Variants in CNTNAP2 observed in about 807,000 individuals in gnomAD.
CNTNAP2 encodes contactin associated protein 2.
In CNTNAP2, 98 loss-of-function variants were observed where a neutral mutation model predicts 155.2. That is an observed-to-expected ratio of 0.63 (90% CI 0.54 to 0.75). The LOEUF (loss-of-function observed/expected upper bound fraction) is 0.75, where lower values mean the gene tolerates loss of function less well. CNTNAP2 is among the 30% of genes least tolerant of loss of function. The pLI is 0.00. For synonymous variants in CNTNAP2, 651 were observed against 631.2 expected (o/e 1.03, Z -0.47); for missense variants, 1,727 against 1,688.1 (o/e 1.02, Z -0.40).
At chr7:146,827,589 A>G (rs564611839) in intron 2 of CNTNAP2, among the ~76,000 whole-genome samples, 1 of 151,990 alleles carries the variant, frequency 6.6e-6, no homozygotes, top group South Asian at 2.1e-4. Flanking sequence ...TTAGCTAGGG[A>G]AGCCAAGAAA....
intron 1 of CNTNAP2, among the ~76,000 whole-genome samples, chr7:146,476,845 A>C (rs370753115): frequency 1.6e-4 from 24 of 152,360 alleles, no homozygotes; most frequent in East Asian, 9.6e-4. Flanking sequence ...GCTACAAAAA[A>C]TAGGGAAATC....
chr7:148,034,616 A>G (rs531632343), intron 15 of CNTNAP2, among the ~76,000 whole-genome samples: 1 of 152,312 alleles, frequency 6.6e-6, no homozygotes, highest in East Asian at 1.9e-4. Context: ...AGCACAAAAC[A>G]GACGAAGACA....
chr7:146,157,247 A>G (rs1455460104), intron 1 of CNTNAP2, among the ~76,000 whole-genome samples: 2 of 152,114 alleles, frequency 1.3e-5, no homozygotes, highest in Non-Finnish European at 1.5e-5. Context: ...TTATTTCTGT[A>G]CTCTTCTTCA....
intron 10 of CNTNAP2, among the ~76,000 whole-genome samples, chr7:147,404,637 A>C (rs1796973728): frequency 6.6e-6 from 1 of 152,178 alleles, no homozygotes; most frequent in African/African-American, 2.4e-5. Context: ...GTGACTCTTT[A>C]TTTAAACTTT....
chr7:146,204,260 T>A (rs947552371), intron 1 of CNTNAP2, among the ~76,000 whole-genome samples: 1 of 152,268 alleles, frequency 6.6e-6, no homozygotes, highest in South Asian at 2.1e-4. Flanking sequence ...CACTAATTAG[T>A]TAATAGATCT....
chr7:147,204,761 GTAAATC>G (rs1446471733), intron 8 of CNTNAP2, among the ~76,000 whole-genome samples: 1 of 152,082 alleles, frequency 6.6e-6, no homozygotes, highest in Non-Finnish European at 1.5e-5. Flanking sequence ...CAGAGTATAT[GTAAATC>G]TAAAACTCTC....
At chr7:146,472,077 T>G (rs1367083534) in intron 1 of CNTNAP2, among the ~76,000 whole-genome samples, 1 of 152,222 alleles carries the variant, frequency 6.6e-6, no homozygotes, top group African/African-American at 2.4e-5. Flanking sequence ...TAGCTCAATT[T>G]AACTTTCCTA....
rs183637146 is a variant in CNTNAP2 at position 146,989,538 on chromosome 7, A to C, written c.403-54369A>C. 1.4e-4 allele frequency among the ~76,000 whole-genome samples: 19 copies of C among 134,654 alleles called. No individual in the cohort carries two copies. In the East Asian group the frequency reaches 3.7e-3, roughly 26 times the overall value. The allele number at this position is 134,654 out of a possible 152,430, so 88.3% of individuals were successfully genotyped here. On this transcript the variant is annotated intron_variant, in intron 3 of 23. Transcript: ENST00000361727. ...GGAGACTCCTTTAACACAAACAAAC[A>C]AACAAACCCACAAAAAGCTATTATA...
chr7:146,651,133 C>T (rs1254006960), intron 1 of CNTNAP2, among the ~76,000 whole-genome samples: 1 of 152,074 alleles, frequency 6.6e-6, no homozygotes, highest in African/African-American at 2.4e-5. Context: ...TTAACTCATT[C>T]TCTGAGCTCA....
intron 11 of CNTNAP2, among the ~76,000 whole-genome samples, chr7:147,486,545 C>G (rs1798514541): frequency 6.6e-6 from 1 of 151,474 alleles, no homozygotes; most frequent in Non-Finnish European, 1.5e-5. Context: ...ATCTAAAAGC[C>G]AATAGATAAA....
intron 13 of CNTNAP2, among the ~76,000 whole-genome samples, chr7:147,741,060 C>G (rs1252219360): frequency 2.0e-5 from 3 of 152,192 alleles, no homozygotes; most frequent in Non-Finnish European, 4.4e-5. Context: ...CCTGGAGGCT[C>G]TGGAAGGCAA....
intron 13 of CNTNAP2, among the ~76,000 whole-genome samples, chr7:147,868,745 A>G (rs1799274817): frequency 6.6e-6 from 1 of 152,222 alleles, no homozygotes; most frequent in African/African-American, 2.4e-5. Context: ...GCTAGCAGTG[A>G]GCAAGGCTCC....
intron 13 of CNTNAP2, among the ~76,000 whole-genome samples, chr7:147,848,372 G>A (rs35799380): frequency 2.0e-4 from 30 of 149,386 alleles, no homozygotes; most frequent in East Asian, 4.0e-4. Flanking sequence ...AGGTGCGTCC[G>A]TCACCCCTTT....
chr7:147,264,506 A>G (rs1804563322), intron 8 of CNTNAP2, among the ~76,000 whole-genome samples: 1 of 133,414 alleles, frequency 7.5e-6, no homozygotes, highest in Non-Finnish European at 1.6e-5. Flanking sequence ...TCTGAGCTGC[A>G]GGAGGAGCAG....
intron 13 of CNTNAP2, among the ~76,000 whole-genome samples, chr7:147,857,813 T>C (rs1317832749): frequency 6.6e-6 from 1 of 152,208 alleles, no homozygotes. Flanking sequence ...AATATGAATA[T>C]ACATCTCTAA....
intron 10 of CNTNAP2, among the ~76,000 whole-genome samples, chr7:147,484,362 G>A (rs1798475402): frequency 6.6e-6 from 1 of 152,038 alleles, no homozygotes; most frequent in South Asian, 2.1e-4. Flanking sequence ...CAACCTAAAA[G>A]CTTTTAATTG....
chr7:147,937,501 C>T (rs1363262235), intron 14 of CNTNAP2, among the ~76,000 whole-genome samples: 1 of 152,098 alleles, frequency 6.6e-6, no homozygotes, highest in Non-Finnish European at 1.5e-5. Context: ...GGATACTGCT[C>T]ATCTGAACCC....
intron 13 of CNTNAP2, among the ~76,000 whole-genome samples, chr7:147,831,379 G>A (rs1314305230): frequency 6.6e-6 from 1 of 152,090 alleles, no homozygotes; most frequent in Non-Finnish European, 1.5e-5. Flanking sequence ...GAACAGAACA[G>A]AACTAAAAAT....
At chr7:146,819,038 A>G (rs1286990369) in intron 2 of CNTNAP2, among the ~76,000 whole-genome samples, 2 of 152,124 alleles carry the variant, frequency 1.3e-5, no homozygotes, top group Non-Finnish European at 2.9e-5. Context: ...CTTTTAATCA[A>G]TGTATATTCA....
Sources: gnomAD v4.1 joint callset for allele counts (sites outside exome capture counted in the v4.1 genomes callset) on GRCh38, gnomAD v4.1.1 for gene constraint, MANE v1.5 for transcripts, NCBI Gene and HGNC (gene_info 2026-07-23, HGNC 2026-07-21) for gene names.